Variants in LMO7 observed in about 807,000 individuals in gnomAD.
LMO7 encodes LIM domain 7, also known as LIM domain only protein 7.
In LMO7, 120 loss-of-function variants were observed where a neutral mutation model predicts 206.5. The observed-to-expected ratio is 0.58, with a 90% CI of 0.50 to 0.68. The LOEUF (loss-of-function observed/expected upper bound fraction) is 0.68. LMO7 is among the 30% of genes least tolerant of loss of function. The probability of loss-of-function intolerance (pLI) is 0.00; values close to 1 mark genes in which losing one functional copy is unlikely to be tolerated. For missense variants in LMO7, 1,959 were observed against 1,957.9 expected, an observed-to-expected ratio of 1.00 and a Z score of -0.01; for synonymous variants, 706 against 681.5, an observed-to-expected ratio of 1.04 and a Z score of -0.56.
chr13:75,723,690 G>A (rs1341631936), intron 2 of LMO7, among the ~76,000 whole-genome samples: 1 of 152,150 alleles, frequency 6.6e-6, no homozygotes, highest in African/African-American at 2.4e-5. Flanking sequence ...TTTGAACAGA[G>A]CCAGCTCTCT....
intron 1 of LMO7, among the ~76,000 whole-genome samples, chr13:75,697,246 G>A (rs185405108): frequency 8.5e-5 from 13 of 152,104 alleles, no homozygotes; most frequent in Non-Finnish European, 1.8e-4. Context: ...GTATTTGTAC[G>A]GGTGGTGTAT....
In LMO7 at chr13:75,800,864, T is replaced by C. The variant is rs148630173; in HGVS notation, c.643T>C (p.Leu215=). 6.8e-6 allele frequency: 11 copies of C among 1,613,652 alleles called. No homozygotes were observed. Among genetic ancestry groups the C allele is most frequent in the Non-Finnish European group, 9.3e-6 (11 of 1,179,782 alleles). ...SLTSCSSDIT[L]RGGREGFESD... is the part of the protein sequence containing the mutation. The stretch of plus-strand genomic sequence containing the variant: ...GACAAGCTGCTCCTCTGATATCACG[T>C]TGAGAGGGGGGCGTGAAGGTGTGTT... Residue 215 remains leucine (L), a synonymous_variant, in exon 7 of 31, where the codon TTG becomes CTG. Coordinates refer to ENST00000377534, the MANE Select transcript of LMO7 (RefSeq NM_001306080.2).
chr13:75,648,663 A>T (rs1363519502), intron 1 of LMO7, among the ~76,000 whole-genome samples: 2 of 152,242 alleles, frequency 1.3e-5, no homozygotes, highest in South Asian at 4.1e-4. Flanking sequence ...GTGTAAGTAG[A>T]TACTATTAAA....
intron 14 of LMO7, among the ~76,000 whole-genome samples, chr13:75,821,831 A>G (rs2138414968): frequency 6.6e-6 from 1 of 152,348 alleles, no homozygotes; most frequent in South Asian, 2.1e-4. Context: ...TAGGGCTGAT[A>G]CATTTTAAAG....
chr13:75,685,473 C>T (rs1379674403), intron 1 of LMO7, among the ~76,000 whole-genome samples: 3 of 152,210 alleles, frequency 2.0e-5, no homozygotes, highest in Admixed American at 2.0e-4. Context: ...CCTGGCAATG[C>T]ATTTTAATCT....
intron 1 of LMO7, among the ~76,000 whole-genome samples, chr13:75,701,123 G>A (rs893785207): frequency 6.6e-6 from 1 of 151,922 alleles, no homozygotes; most frequent in Non-Finnish European, 1.5e-5. Context: ...TATGCACTAG[G>A]AATAGATTGT....
intron 15 of LMO7, among the ~76,000 whole-genome samples, chr13:75,824,474 C>T (rs1202630272): frequency 1.3e-5 from 2 of 152,130 alleles, no homozygotes; most frequent in Admixed American, 1.3e-4. Flanking sequence ...ATTTGGAGTC[C>T]AAACAAAATA....
rs2055772293 is a variant in LMO7 at position 75,808,009 on chromosome 13, A to C, written c.1726A>C (p.Ile576Leu). The stretch of plus-strand genomic sequence containing the variant: ...CAAAGAAAAAAGTAATAGCTGTAGA[A>C]TATTAGTTCCTTCATATCGGCAGAA... ...PSKEKSNSCR[I>L]LVPSYRQKKD... Residue 576 changes from isoleucine (I) to leucine (L), a missense_variant, in exon 10 of 31, where the codon ATA (isoleucine) becomes CTA (leucine). Ile to Leu is a conservative substitution (Grantham distance 5). Coordinates refer to ENST00000377534, the MANE Select transcript of LMO7 (RefSeq NM_001306080.2). The C allele has an allele frequency of 2.5e-6, 4 of 1,613,854 alleles. No homozygotes were observed. The highest frequency in any genetic ancestry group is 3.4e-6 in the Non-Finnish European group (4 of 1,179,880).
chr13:75,735,118 TG>T (rs1292737987), intron 3 of LMO7, among the ~76,000 whole-genome samples: 2 of 51,144 alleles, frequency 3.9e-5, no homozygotes, highest in Non-Finnish European at 1.1e-4. Context: ...AAAAATTACG[TG>T]TGTGTGTGTG....
intron 1 of LMO7, among the ~76,000 whole-genome samples, chr13:75,700,866 TCTTC>T (rs1239797348): frequency 6.6e-6 from 1 of 152,236 alleles, no homozygotes; most frequent in Non-Finnish European, 1.5e-5. Context: ...ATTTCTGAAA[TCTTC>T]CTTTTAATAT....
intron 12 of LMO7, among the ~76,000 whole-genome samples, chr13:75,818,568 G>A (rs2057281319): frequency 6.6e-6 from 1 of 152,132 alleles, no homozygotes; most frequent in Non-Finnish European, 1.5e-5. Flanking sequence ...AGCTGAATTA[G>A]GTTGATTGTC....
intron 2 of LMO7, among the ~76,000 whole-genome samples, chr13:75,625,766 T>C (rs538781238): frequency 2.0e-5 from 3 of 152,336 alleles, no homozygotes; most frequent in Admixed American, 6.5e-5. Flanking sequence ...TCATCTGGTG[T>C]TGTTCATGAT....
In LMO7 at chr13:75,821,167, C is replaced by A; in HGVS notation, c.2208-10C>A. 2 of 1,578,584 alleles carry A rather than the reference C, an allele frequency of 1.3e-6. No individual in the cohort carries two copies. Among genetic ancestry groups the A allele is most frequent in the South Asian group, 1.2e-5 (1 of 83,798 alleles). ...GTCTTTGTGGTGATGGTGCATTTCTCTCCGCTAAGGGAATCCCAAAATCAA... is the reference window on the plus strand; with the variant it reads ...GTCTTTGTGGTGATGGTGCATTTCTATCCGCTAAGGGAATCCCAAAATCAA... On this transcript the variant is annotated splice_polypyrimidine_tract_variant and intron_variant, in intron 13 of 30. Transcript: ENST00000377534.
At chr13:75,722,576 A>T (rs2138437471) in intron 2 of LMO7, among the ~76,000 whole-genome samples, 1 of 152,286 alleles carries the variant, frequency 6.6e-6, no homozygotes, top group South Asian at 2.1e-4. Context: ...GTGAAAAGGG[A>T]ACAGTTTTAC....
intron 2 of LMO7, among the ~76,000 whole-genome samples, chr13:75,720,692 G>T (rs970082754): frequency 3.3e-5 from 5 of 152,158 alleles, no homozygotes; most frequent in Non-Finnish European, 7.4e-5. Context: ...CAACAGTGAG[G>T]CTATATAATA....
At chr13:75,706,046 G>A (rs895151433) in intron 1 of LMO7, among the ~76,000 whole-genome samples, 2 of 152,170 alleles carry the variant, frequency 1.3e-5, no homozygotes, top group Non-Finnish European at 2.9e-5. Flanking sequence ...TCAGGCAAGT[G>A]CTAAGTGTTT....
chr13:75,820,928 C>T (rs1439582807), intron 13 of LMO7, among the ~76,000 whole-genome samples: 9 of 149,566 alleles, frequency 6.0e-5, no homozygotes, highest in East Asian at 4.0e-4. Context: ...ATGCGGGAGG[C>T]GGAGGTTGCA....
At chr13:75,821,119 C>A in intron 13 of LMO7, 58 bp from the exon 14 acceptor site, 1 of 1,375,834 alleles carries the variant, frequency 7.3e-7, no homozygotes, top group Non-Finnish European at 9.9e-7. Context: ...TACTCTCTCA[C>A]CACCTCTGTG....
intron 7 of LMO7, among the ~76,000 whole-genome samples, chr13:75,802,962 T>C (rs1229803071): frequency 6.6e-6 from 1 of 152,234 alleles, no homozygotes; most frequent in Non-Finnish European, 1.5e-5. Context: ...GACACCGTAC[T>C]GGGCTAAAAA....
Sources: gnomAD v4.1 joint callset for allele counts (sites outside exome capture counted in the v4.1 genomes callset) on GRCh38, gnomAD v4.1.1 for gene constraint, MANE v1.5 for transcripts, NCBI Gene and HGNC (gene_info 2026-07-23, HGNC 2026-07-21) for gene names.